The following AGO4 variants were observed in gnomAD, a reference collection of about 807,000 sequenced individuals.
AGO4 encodes protein argonaute-4.
In AGO4, 33 loss-of-function variants were observed where a neutral mutation model predicts 104.7. That is an observed-to-expected ratio of 0.32 (90% CI 0.24 to 0.42). The LOEUF is 0.42. Ranked by LOEUF, AGO4 falls within the 10% of genes least tolerant of loss-of-function variation. AGO4 has a pLI of 1.00. For missense variants in AGO4, 711 were observed against 1,083.4 expected (o/e 0.66, Z 4.83); for synonymous variants, 331 against 364.7 (o/e 0.91, Z 1.05).
intron 1 of AGO4, among the ~76,000 whole-genome samples, chr1:35,813,545 C>A (rs1287620035): frequency 6.6e-6 from 1 of 151,732 alleles, no homozygotes; most frequent in African/African-American, 2.4e-5. Flanking sequence ...TTGCTTGACC[C>A]CAGGAGTTCA....
intron 12 of AGO4, 147 bp from the exon 13 acceptor site, chr1:35,835,687 A>G: frequency 3.4e-6 from 2 of 584,982 alleles, no homozygotes; most frequent in Non-Finnish European, 5.2e-6. Flanking sequence ...GGGGTTTAGC[A>G]GATAAAAGGA....
Position 35,832,656 on chromosome 1 carries a change from C to T in AGO4, c.1379+86C>T, listed in dbSNP as rs1293367881. ...TATGTGAATGTGCTGTGTACACTGG[C>T]ACTAAATCCCTGACTCCCATAGTGA... On this transcript the variant is annotated intron_variant, in intron 11 of 17. Transcript: ENST00000373210. 3.4e-6 allele frequency: 5 copies of T among 1,464,924 alleles called. No homozygotes were observed. In the Admixed American group the frequency reaches 1.1e-4, roughly 33 times the overall value. 90.7% of individuals were successfully genotyped at this position (1,464,924 alleles called of 1,614,324 possible). A position where few individuals can be genotyped will look rare whatever the true frequency, so the allele number is the denominator to read the frequency against.
At chr1:35,811,340 G>T (rs1377870474) in intron 1 of AGO4, among the ~76,000 whole-genome samples, 1 of 151,612 alleles carries the variant, frequency 6.6e-6, no homozygotes, top group African/African-American at 2.4e-5. Flanking sequence ...GGGTGTGGTG[G>T]TGTGCTCCTG....
In AGO4 at chr1:35,808,465, C is replaced by T; in HGVS notation, c.19+30C>T. The T allele has an allele frequency of 8.5e-7, 1 of 1,176,886 alleles. No homozygotes were observed. The highest frequency in any genetic ancestry group is 1.1e-6 in the Non-Finnish European group (1 of 952,304). The allele number at this position is 1,176,886 out of a possible 1,614,324, so 72.9% of individuals were successfully genotyped here. A position where few individuals can be genotyped will look rare whatever the true frequency, so the allele number is the denominator to read the frequency against. ...GGAGCGAGCTCGGGTCGGGGCGGGA[C>T]CCGGGACCCGGGACCCGGGGCGGGC... is the stretch of plus-strand genomic sequence containing the variant. On this transcript the variant is annotated intron_variant, in intron 1 of 17. Coordinates refer to ENST00000373210, the MANE Select transcript of AGO4 (RefSeq NM_017629.4). The surrounding 1 kb of genome is among the most constrained non-coding windows in gnomAD (Gnocchi z 5.2).
In AGO4 at chr1:35,818,302, C is replaced by T. The variant is rs545352466; in HGVS notation, c.185+1255C>T. Among the ~76,000 whole-genome samples, 28 of 152,046 alleles carry T rather than the reference C, an allele frequency of 1.8e-4. No individual in the cohort carries two copies. In the East Asian group the frequency reaches 3.7e-3, roughly 20 times the overall value. On this transcript the variant is annotated intron_variant, in intron 2 of 17. Transcript: ENST00000373210. ...GAGGGATATCTGCATGAAGAGTGTC[C>T]CAGGCAAAGTCAGAAGCTTGGTGAG...
intron 3 of AGO4, 44 bp from the exon 4 acceptor site, chr1:35,825,269 C>T: frequency 6.3e-7 from 1 of 1,584,894 alleles, no homozygotes; most frequent in Admixed American, 1.7e-5. Context: ...TTCCCACAGC[C>T]ATTGTAAACA....
chr1:35,812,862 G>A (rs995003420), intron 1 of AGO4, among the ~76,000 whole-genome samples: 2 of 152,026 alleles, frequency 1.3e-5, no homozygotes, highest in Non-Finnish European at 2.9e-5. Flanking sequence ...AAAGTGCTGG[G>A]ATTACAGGCA....
intron 15 of AGO4, among the ~76,000 whole-genome samples, chr1:35,846,135 TA>T (rs1644567457): frequency 6.6e-6 from 1 of 152,222 alleles, no homozygotes; most frequent in African/African-American, 2.4e-5. Context: ...AAAGCATGTC[TA>T]AACCTTCTAT....
At position 35,841,112 on chromosome 1, in the gene AGO4, C is replaced by T; in HGVS notation, c.1725-53C>T. The stretch of plus-strand genomic sequence containing the variant: ...TCTGGTGATATAATCTTGCTAAACT[C>T]AAACATTTTCACTTATATGTCTGAG... On this transcript the variant is annotated intron_variant, in intron 13 of 17. Coordinates refer to ENST00000373210, the MANE Select transcript of AGO4 (RefSeq NM_017629.4). This position sits in a 1 kb window ranked among gnomAD's most constrained non-coding sequence, Gnocchi z 4.7. The T allele has an allele frequency of 6.4e-7, 1 of 1,565,550 alleles. No homozygotes were observed. The highest frequency in any genetic ancestry group is 8.7e-7 in the Non-Finnish European group (1 of 1,146,682).
At chr1:35,850,796 A>AAC in intron 16 of AGO4, 58 bp from the exon 17 acceptor site, 5 of 1,070,188 alleles carry the variant, frequency 4.7e-6, no homozygotes, top group African/African-American at 2.2e-5. Context: ...AAAAAAAAAA[A>AAC]AAACAAAAAC....
At chr1:35,817,904 A>G (rs1436335207) in intron 2 of AGO4, among the ~76,000 whole-genome samples, 3 of 152,212 alleles carry the variant, frequency 2.0e-5, no homozygotes, top group Non-Finnish European at 4.4e-5. Context: ...CATCCAACGA[A>G]TATTTTATTG....
intron 13 of AGO4, among the ~76,000 whole-genome samples, chr1:35,840,074 C>T (rs1254035159): frequency 6.6e-6 from 1 of 151,680 alleles, no homozygotes; most frequent in Non-Finnish European, 1.5e-5. Flanking sequence ...TCACTGCAAC[C>T]TCTACCTCCT....
rs1423329427 is a variant in AGO4, at chr1:35,841,140, G to A, written c.1725-25G>A. ...ACATTTTCACTTATATGTCTGAGTG[G>A]CAACATCTCCTTAAATCTGAGCAGG... On this transcript the variant is annotated intron_variant, in intron 13 of 17. Coordinates refer to ENST00000373210, the MANE Select transcript of AGO4 (RefSeq NM_017629.4). The surrounding 1 kb of genome is among the most constrained non-coding windows in gnomAD (Gnocchi z 4.7). The A allele has an allele frequency of 1.3e-6, 2 of 1,594,780 alleles. No individual in the cohort carries two copies. Among genetic ancestry groups the A allele is most frequent in the South Asian group, 1.1e-5 (1 of 90,314 alleles).
chr1:35,845,997 A>G (rs1234559754), intron 15 of AGO4, among the ~76,000 whole-genome samples: 6 of 152,226 alleles, frequency 3.9e-5, no homozygotes, highest in Non-Finnish European at 7.3e-5. Context: ...AACACATTTC[A>G]GGCCACATTT....
chr1:35,814,665 G>A (rs1427414470), intron 1 of AGO4, among the ~76,000 whole-genome samples: 5 of 151,998 alleles, frequency 3.3e-5, no homozygotes, highest in East Asian at 1.9e-4. Flanking sequence ...CACAGAGGAC[G>A]GATCCTCTAG....
At chr1:35,837,530 C>T (rs1259089700) in intron 13 of AGO4, among the ~76,000 whole-genome samples, 1 of 152,094 alleles carries the variant, frequency 6.6e-6, no homozygotes, top group African/African-American at 2.4e-5. Flanking sequence ...CAGGCTCATA[C>T]CACCATGCTC....
chr1:35,817,803 G>C (rs907297307), intron 2 of AGO4, among the ~76,000 whole-genome samples: 9 of 152,106 alleles, frequency 5.9e-5, no homozygotes, highest in African/African-American at 1.4e-4. Context: ...TTGGCTTTCT[G>C]GTGTAGTTCA....
chr1:35,845,249 A>G (rs1644544199), intron 15 of AGO4, among the ~76,000 whole-genome samples: 1 of 129,058 alleles, frequency 7.7e-6, no homozygotes, highest in South Asian at 2.5e-4. Flanking sequence ...TTTTTTTTTA[A>G]GATAGAGTTT....
intron 2 of AGO4, among the ~76,000 whole-genome samples, chr1:35,821,355 T>C (rs903785138): frequency 5.9e-5 from 9 of 152,238 alleles, no homozygotes; most frequent in South Asian, 2.1e-4. Flanking sequence ...TTTGTAGTAA[T>C]ATAAATGTGT....
Sources: allele counts gnomAD v4.1 joint callset (sites outside exome capture counted in the v4.1 genomes callset), GRCh38; gene constraint gnomAD v4.1.1; non-coding constraint Gnocchi (gnomAD v3.1); transcripts MANE v1.5; gene names NCBI Gene and HGNC (gene_info 2026-07-23, HGNC 2026-07-21).